CFAP45: variants seen among roughly 807,000 people sequenced by gnomAD.
CFAP45 encodes the protein cilia and flagella associated protein 45.
Under a neutral mutation model 75.6 loss-of-function variants are expected in CFAP45, and 43 were observed. The ratio of observed to expected loss-of-function variants is 0.57; its 90% confidence interval spans 0.45 to 0.73. The LOEUF (loss-of-function observed/expected upper bound fraction) is 0.73. Ranked by LOEUF, CFAP45 falls within the 30% of genes least tolerant of loss-of-function variation. The pLI is 0.00. For synonymous variants in CFAP45, 223 were observed against 244.6 expected (o/e 0.91, Z 0.82); for missense variants, 689 against 701.5 (o/e 0.98, Z 0.20).
rs769101923 is a variant in CFAP45 at position 159,886,542 on chromosome 1, G to C, written c.736C>G (p.Leu246Val). ...RQKSIQRQEELERKRREERIR... is the reference protein window; with the variant it reads ...RQKSIQRQEEVERKRREERIR... ...CTTTCCTCCCTCCTCTTCCTCTCCA[G>C]TTCCTCCTGCCTTTGAATGGATTTC... The change falls in exon 6 of 12, where the codon CTG (leucine) becomes GTG (valine). Residue 246 changes from leucine (L) to valine (V), a missense_variant. Physicochemically the swap from Leu to Val is conservative, Grantham distance 32. Coordinates refer to ENST00000368099, the MANE Select transcript of CFAP45 (RefSeq NM_012337.3). The C allele has an allele frequency of 2.5e-6, 4 of 1,614,098 alleles. No individual in the cohort carries two copies. The highest frequency in any genetic ancestry group is 3.4e-6 in the Non-Finnish European group (4 of 1,180,012).
At chr1:159,884,390 G>A in intron 7 of CFAP45, 46 bp downstream of exon 7, 3 of 1,567,332 alleles carry the variant, frequency 1.9e-6, no homozygotes, top group Middle Eastern at 1.7e-4. Context: ...GAAGGGTTTT[G>A]ATGCTGCAGC....
intron 1 of CFAP45, among the ~76,000 whole-genome samples, chr1:159,898,772 C>T (rs1244086811): frequency 5.3e-5 from 8 of 152,178 alleles, no homozygotes; most frequent in South Asian, 2.1e-4. Context: ...TACATACATA[C>T]GCCACTGTGT....
rs761114105 is a variant in CFAP45, at chr1:159,873,166, G to T, written c.1355C>A (p.Ala452Asp). ...DRDEFERILRAQREQIEKERL... is the reference protein window; with the variant it reads ...DRDEFERILRDQREQIEKERL... ...CTCCTTCTCAATCTGTTCTCTCTGA[G>T]CCCTGGGGGAGGGAAACAGGAATGG... The change falls in exon 11 of 12, where the codon GCT (alanine) becomes GAT (aspartate). Residue 452 changes from alanine to aspartate, a missense_variant and splice_region_variant. Coordinates refer to ENST00000368099, the MANE Select transcript of CFAP45 (RefSeq NM_012337.3). The T allele has an allele frequency of 4.3e-6, 7 of 1,612,988 alleles. No individual in the cohort carries two copies. Among genetic ancestry groups the T allele is most frequent in the East Asian group, 4.5e-5 (2 of 44,854 alleles).
At chr1:159,888,632 C>G (rs3795335) in intron 3 of CFAP45, 136 bp from the exon 4 acceptor site, 55,057 of 766,982 alleles carry the variant, frequency 0.072, 2,668 homozygotes, top group African/African-American at 0.19. Flanking sequence ...GGCAAGTGTG[C>G]CATGGGTCCA....
intron 8 of CFAP45, among the ~76,000 whole-genome samples, chr1:159,877,702 C>T (rs932460235): frequency 1.9e-4 from 29 of 152,216 alleles, no homozygotes; most frequent in South Asian, 1.2e-3. Context: ...CAGAGAAAGA[C>T]TCTGTCTCTA....
At position 159,894,653 on chromosome 1, in the gene CFAP45, T is replaced by C. The variant is rs566569622; in HGVS notation, c.4-1348A>G. Among the ~76,000 whole-genome samples, 42 of 152,320 alleles carry C rather than the reference T, an allele frequency of 2.8e-4. 1 individual carries two copies. Among genetic ancestry groups the C allele is most frequent in the Admixed American group, 6.5e-4 (10 of 15,296 alleles). On this transcript the variant is annotated intron_variant, in intron 1 of 11. Transcript: ENST00000368099. ...AGTCATTTTTTAACCCCCTACTAAC[T>C]TCCTATTTTGGCAAATTCCCCATCT... is the stretch of plus-strand genomic sequence containing the variant.
At chr1:159,879,906 A>G (rs917342890) in intron 8 of CFAP45, among the ~76,000 whole-genome samples, 2 of 152,210 alleles carry the variant, frequency 1.3e-5, no homozygotes, top group African/African-American at 2.4e-5. Context: ...CTCTTTTTAC[A>G]TAAATCCATG....
In CFAP45 at chr1:159,890,595, G is replaced by A. The variant is rs755026400; in HGVS notation, c.157C>T (p.Pro53Ser). The change falls in exon 3 of 12, where the codon CCC (proline) becomes TCC (serine). Residue 53 changes from proline to serine, a missense_variant. By Grantham distance (74) the Pro-to-Ser change is moderately conservative. Transcript: ENST00000368099. The stretch of plus-strand genomic sequence containing the variant: ...TGCTTATCTCGGAGCAGCACAATGG[G>A]GCTGTCGCTCTGGCCCTGGGCTGGG... ...KSPAQGQSDS[P>S]IVLLRDKHTL... 6.2e-7 allele frequency: 1 copy of A among 1,614,078 alleles called. No homozygotes were observed.
intron 2 of CFAP45, among the ~76,000 whole-genome samples, chr1:159,891,600 C>CT (rs1649832617): frequency 6.6e-6 from 1 of 152,164 alleles, no homozygotes; most frequent in South Asian, 2.1e-4. Context: ...CAGAAAATGT[C>CT]TAAACACAGG....
intron 7 of CFAP45, among the ~76,000 whole-genome samples, chr1:159,881,214 G>A (rs1339507803): frequency 6.6e-6 from 1 of 152,192 alleles, no homozygotes; most frequent in Non-Finnish European, 1.5e-5. Flanking sequence ...GGTAGGCCTT[G>A]TTATCTCTCT....
At chr1:159,877,307 G>A (rs775761408) in intron 9 of CFAP45, 42 bp downstream of exon 9, 4 of 1,354,254 alleles carry the variant, frequency 3.0e-6, no homozygotes, top group South Asian at 2.3e-5. Context: ...GGATAGGCAA[G>A]GGAGTGGGAA....
chr1:159,877,729 T>C (rs2101841860), intron 8 of CFAP45, among the ~76,000 whole-genome samples: 1 of 152,030 alleles, frequency 6.6e-6, no homozygotes, highest in African/African-American at 2.4e-5. Flanking sequence ...ATCTAAAAAT[T>C]AGCCAGGCAT....
chr1:159,888,212 T>C (rs756776331), intron 4 of CFAP45, 140 bp downstream of exon 4: 1 of 1,058,680 alleles, frequency 9.4e-7, no homozygotes, highest in Non-Finnish European at 1.4e-6. Flanking sequence ...CAGGTATTGC[T>C]CTTTGGTCTC....
intron 10 of CFAP45, among the ~76,000 whole-genome samples, chr1:159,875,682 G>T (rs945742735): frequency 6.6e-6 from 1 of 152,176 alleles, no homozygotes; most frequent in Non-Finnish European, 1.5e-5. Context: ...AATTTTGCTT[G>T]GCTTGTTTCC....
intron 5 of CFAP45, among the ~76,000 whole-genome samples, chr1:159,887,498 T>C (rs1205561063): frequency 1.3e-5 from 2 of 152,206 alleles, no homozygotes; most frequent in Non-Finnish European, 2.9e-5. Context: ...AAAGTAACAC[T>C]GCACATTTAA....
intron 1 of CFAP45, among the ~76,000 whole-genome samples, chr1:159,899,139 A>G (rs1229828623): frequency 1.3e-5 from 2 of 151,814 alleles, no homozygotes; most frequent in Non-Finnish European, 2.9e-5. Context: ...CATCCCCTTC[A>G]TGGTTCCTCC....
intron 7 of CFAP45, among the ~76,000 whole-genome samples, chr1:159,883,745 T>C (rs1025098333): frequency 6.6e-5 from 10 of 151,864 alleles, no homozygotes; most frequent in Non-Finnish European, 1.2e-4. Flanking sequence ...ATACAATTTT[T>C]TCAACTTTTC....
chr1:159,883,165 C>T (rs866124622), intron 7 of CFAP45, among the ~76,000 whole-genome samples: 16 of 152,274 alleles, frequency 1.1e-4, no homozygotes, highest in Middle Eastern at 3.4e-3. Flanking sequence ...TAAAAGAATA[C>T]GTGTTCCACA....
intron 10 of CFAP45, 116 bp from the exon 11 acceptor site, chr1:159,873,284 C>T: frequency 1.3e-6 from 1 of 767,662 alleles, no homozygotes; most frequent in South Asian, 1.7e-5. Flanking sequence ...GAGACCACAG[C>T]CCTCTGGGCT....
Sources: allele counts gnomAD v4.1 joint callset (sites outside exome capture counted in the v4.1 genomes callset), GRCh38; gene constraint gnomAD v4.1.1; transcripts MANE v1.5; gene names NCBI Gene and HGNC (gene_info 2026-07-23, HGNC 2026-07-21).